The following UBN1 variants were observed in gnomAD, a reference collection of about 807,000 sequenced individuals.
UBN1 encodes ubinuclein 1.
UBN1 carries 17 observed loss-of-function variants against 108.5 expected under a neutral mutation model. The ratio of observed to expected loss-of-function variants is 0.16; its 90% CI spans 0.11 to 0.24. The LOEUF (loss-of-function observed/expected upper bound fraction) is 0.24, where lower values mean the gene tolerates loss of function less well. UBN1 is among the 10% of genes least tolerant of loss of function. UBN1 has a pLI of 1.00. For synonymous variants in UBN1, 726 were observed against 564.2 expected, an observed-to-expected ratio of 1.29 and a Z score of -4.07; for missense variants, 1,595 against 1,394.4, an observed-to-expected ratio of 1.14 and a Z score of -2.29.
At chr16:4,848,334 TG>T (rs2086311334) in intron 1 of UBN1, 124 bp downstream of exon 1, 2 of 152,266 alleles carry the variant, frequency 1.3e-5, no homozygotes, top group Admixed American at 1.3e-4. Flanking sequence ...AACTGAACCA[TG>T]AACTGGGAAG....
chr16:4,861,276 C>T (rs904668068), intron 7 of UBN1, among the ~76,000 whole-genome samples, 174 bp downstream of exon 7: 1 of 152,238 alleles, frequency 6.6e-6, no homozygotes. Flanking sequence ...AAGCCTTGCC[C>T]GTCAGGCATC....
Position 4,877,603 on chromosome 16 carries a change from T to C in UBN1, c.3355+129T>C, listed in dbSNP as rs2087946772. On this transcript the variant is annotated intron_variant, in intron 17 of 17. Coordinates refer to ENST00000262376, the MANE Select transcript of UBN1 (RefSeq NM_001079514.3). The surrounding 1 kb of genome is among the most constrained non-coding windows in gnomAD (Gnocchi z 4.3). ...GCTGTTGTTGTTTTGGTTTGTCCTTTGAGGCTGTGCTTTGTCAGTACTCAG... is the reference window on the plus strand; with the variant it reads ...GCTGTTGTTGTTTTGGTTTGTCCTTCGAGGCTGTGCTTTGTCAGTACTCAG... 1 of 1,424,018 alleles carries C rather than the reference T, an allele frequency of 7.0e-7. No individual in the cohort carries two copies. 88.2% of individuals were successfully genotyped at this position (1,424,018 alleles called of 1,614,324 possible).
At chr16:4,862,561 T>C (rs922699347) in intron 7 of UBN1, among the ~76,000 whole-genome samples, 6 of 152,226 alleles carry the variant, frequency 3.9e-5, no homozygotes, top group African/African-American at 1.4e-4. Context: ...TTCTTTTTAA[T>C]CCTCTGGTTC....
rs2087801714 is a variant in UBN1, at chr16:4,874,795, G to A, written c.2385G>A (p.Val795=). The A allele has an allele frequency of 6.2e-7, 1 of 1,613,980 alleles. No individual in the cohort carries two copies. The highest frequency in any genetic ancestry group is 1.1e-5 in the South Asian group (1 of 91,096). The change falls in exon 15 of 18, where the codon GTG becomes GTA. Residue 795 remains valine, a synonymous_variant. Transcript: ENST00000262376. ...CACGGACGTCTCACGGGCCCCAAGT[G>A]GCAGTTCCTGTGCCTGGCCCCCAGG... is the stretch of plus-strand genomic sequence containing the variant. ...SLPRTSHGPQ[V]AVPVPGPQVK... is the part of the protein sequence containing the mutation.
chr16:4,853,006 G>T lies in UBN1; in HGVS notation c.89G>T (p.Gly30Val), dbSNP rs1463411883. Reference sequence around the variant, plus strand: ...AAGAAGTCCCGGAAGGAGGAGGCTGGGGCAGGAGAACAGCATCAGGACTGT... The same window carrying T: ...AAGAAGTCCCGGAAGGAGGAGGCTGTGGCAGGAGAACAGCATCAGGACTGT... ...FLKKSRKEEAGAGEQHQDCEP... is the reference protein window; with the variant it reads ...FLKKSRKEEAVAGEQHQDCEP... Residue 30 changes from glycine (G) to valine (V), a missense_variant, in exon 2 of 18, where the codon GGG becomes GTG. Physicochemically the swap from Gly to Val is moderately radical, Grantham distance 109. Transcript: ENST00000262376. 6.2e-7 allele frequency: 1 copy of T among 1,614,190 alleles called. No individual in the cohort carries two copies. Among genetic ancestry groups the T allele is most frequent in the Non-Finnish European group, 8.5e-7 (1 of 1,180,036 alleles).
At chr16:4,870,666 C>T in intron 10 of UBN1, 32 bp downstream of exon 10, 1 of 1,612,180 alleles carries the variant, frequency 6.2e-7, no homozygotes, top group Non-Finnish European at 8.5e-7. Flanking sequence ...CAGGTGCAAC[C>T]CTCCCGTCTT....
intron 1 of UBN1, among the ~76,000 whole-genome samples, chr16:4,850,023 G>A (rs2086482165): frequency 6.7e-6 from 1 of 148,154 alleles, no homozygotes; most frequent in African/African-American, 2.5e-5. Flanking sequence ...AAGTCTAATA[G>A]ATAAATGTAA....
chr16:4,877,517 T>C lies in UBN1; in HGVS notation c.3355+43T>C. On this transcript the variant is annotated intron_variant, in intron 17 of 17. Transcript: ENST00000262376. This position sits in a 1 kb window ranked among gnomAD's most constrained non-coding sequence, Gnocchi z 4.3. ...AGTGTGCCACGCGCACCGTGTGCCT[T>C]TGCCCTCTCCACCCCTAGGTGCTTT... 6.4e-6 allele frequency: 10 copies of C among 1,564,186 alleles called. No individual in the cohort carries two copies. Among genetic ancestry groups the C allele is most frequent in the Non-Finnish European group, 7.8e-6 (9 of 1,156,516 alleles).
intron 15 of UBN1, 69 bp downstream of exon 15, chr16:4,875,503 TG>T (rs2087837241): frequency 6.5e-7 from 1 of 1,535,978 alleles, no homozygotes; most frequent in Non-Finnish European, 8.7e-7. Context: ...TTGCTTGCCT[TG>T]CCCCGGGTGG....
Position 4,876,924 on chromosome 16 carries a change from C to G in UBN1, c.3078C>G (p.Pro1026=), listed in dbSNP as rs565035013. The change falls in exon 16 of 18, where the codon CCC becomes CCG. Residue 1026 remains proline, a synonymous_variant. Transcript: ENST00000262376. The part of the protein sequence containing the change: ...LLAGSSLMAS[P]YKSSSPKLSG... ...CCGGCTCCTCTTTGATGGCTTCACC[C>G]TACAAATCCAGCAGCCCAAAGCTGT... The G allele has an allele frequency of 6.2e-7, 1 of 1,613,902 alleles. No homozygotes were observed. The highest frequency in any genetic ancestry group is 1.3e-5 in the African/African-American group (1 of 74,916).
At chr16:4,851,484 A>G (rs1455523059) in intron 1 of UBN1, among the ~76,000 whole-genome samples, 2 of 152,192 alleles carry the variant, frequency 1.3e-5, no homozygotes, top group East Asian at 1.9e-4. Flanking sequence ...AAGTTCTTCT[A>G]TAAGATCTGG....
intron 2 of UBN1, among the ~76,000 whole-genome samples, chr16:4,856,356 G>A (rs560374305): frequency 2.0e-5 from 3 of 152,326 alleles, no homozygotes; most frequent in Admixed American, 6.5e-5. Context: ...ACTCTGCAGT[G>A]TTAAAAATAC....
intron 17 of UBN1, among the ~76,000 whole-genome samples, chr16:4,878,341 C>T (rs568418623): frequency 6.6e-6 from 1 of 152,230 alleles, no homozygotes; most frequent in Admixed American, 6.5e-5. Flanking sequence ...GAGAGCCGCT[C>T]GTATGGAAGC....
Position 4,848,172 on chromosome 16 carries a change from G to A in UBN1, c.-78G>A, listed in dbSNP as rs1596459449. ...GGGGACCGGCATGAGGACCGCCGCG[G>A]GGGGACGTCTGCGGCCCGCGTCGGC... On this transcript the variant is annotated 5_prime_UTR_variant, in exon 1 of 18. Transcript: ENST00000262376. 1 of 152,312 alleles carries A rather than the reference G, an allele frequency of 6.6e-6. No individual in the cohort carries two copies. Among genetic ancestry groups the A allele is most frequent in the East Asian group, 1.9e-4 (1 of 5,176 alleles). 9.4% of individuals were successfully genotyped at this position (152,312 alleles called of 1,614,324 possible). A position where few individuals can be genotyped will look rare whatever the true frequency, so the allele number is the denominator to read the frequency against.
intron 17 of UBN1, 135 bp from the exon 18 acceptor site, chr16:4,879,948 G>C (rs981623305): frequency 1.2e-4 from 106 of 901,612 alleles, no homozygotes; most frequent in Non-Finnish European, 1.6e-4. Context: ...CTCATGGCTT[G>C]TTTGAGCTCT....
At chr16:4,850,464 T>A (rs1161103741) in intron 1 of UBN1, among the ~76,000 whole-genome samples, 1 of 152,234 alleles carries the variant, frequency 6.6e-6, no homozygotes, top group Non-Finnish European at 1.5e-5. Context: ...ATAGTGAGAC[T>A]GTTCCGGTTC....
Position 4,881,563 on chromosome 16 carries a change from G to C in UBN1, c.*1431G>C, listed in dbSNP as rs1012336472. 5 of 152,124 alleles carry C rather than the reference G, an allele frequency of 3.3e-5. No individual in the cohort carries two copies. The highest frequency in any genetic ancestry group is 7.3e-5 in the Non-Finnish European group (5 of 68,042). The allele number at this position is 152,124 out of a possible 1,614,324, so 9.4% of individuals were successfully genotyped here. On this transcript the variant is annotated 3_prime_UTR_variant, in exon 18 of 18. Coordinates refer to ENST00000262376, the MANE Select transcript of UBN1 (RefSeq NM_001079514.3). ...GGAAAACGGACCGCTCTTGGCTCCTGACTCCCAGGGTACAGCGCCCAGTAA... is the reference window on the plus strand; with the variant it reads ...GGAAAACGGACCGCTCTTGGCTCCTCACTCCCAGGGTACAGCGCCCAGTAA...
Position 4,861,119 on chromosome 16 carries a change from C to G in UBN1, c.1110+17C>G, listed in dbSNP as rs756447369. The G allele has an allele frequency of 6.3e-7, 1 of 1,599,696 alleles. No homozygotes were observed. Among genetic ancestry groups the G allele is most frequent in the Non-Finnish European group, 8.5e-7 (1 of 1,172,748 alleles). On this transcript the variant is annotated intron_variant, in intron 7 of 17. Coordinates refer to ENST00000262376, the MANE Select transcript of UBN1 (RefSeq NM_001079514.3). ...CTGGCTCAGGTATGGTGGCACAGTGCGGCTGGGCTTTCCTGGAAGCAGTTT... is the reference window on the plus strand; with the variant it reads ...CTGGCTCAGGTATGGTGGCACAGTGGGGCTGGGCTTTCCTGGAAGCAGTTT...
intron 2 of UBN1, among the ~76,000 whole-genome samples, chr16:4,854,360 T>C (rs1390655960): frequency 1.3e-5 from 2 of 151,226 alleles, no homozygotes; most frequent in Non-Finnish European, 2.9e-5. Context: ...TTGTTGTTTT[T>C]TGAGACCAAG....
Sources: allele counts gnomAD v4.1 joint callset (sites outside exome capture counted in the v4.1 genomes callset), GRCh38; gene constraint gnomAD v4.1.1; non-coding constraint Gnocchi (gnomAD v3.1); transcripts MANE v1.5; gene names NCBI Gene and HGNC (gene_info 2026-07-23, HGNC 2026-07-21).